The following ODAM variants were observed in gnomAD, a reference collection of about 807,000 sequenced individuals.
ODAM encodes the protein odontogenic ameloblast-associated protein.
In ODAM, 55 loss-of-function variants were observed where a neutral mutation model predicts 48.5. The observed-to-expected ratio is 1.13, with a 90% CI of 0.91 to 1.42. The LOEUF (loss-of-function observed/expected upper bound fraction) is 1.42. Among genes scored for constraint, ODAM ranks in the 40% most tolerant of loss-of-function variants. The probability of loss-of-function intolerance (pLI) is 0.00; values close to 1 mark genes in which losing one functional copy is unlikely to be tolerated. For synonymous variants in ODAM, 127 were observed against 107.8 expected (o/e 1.18, Z -1.10); for missense variants, 353 against 323.6 (o/e 1.09, Z -0.70).
intron 11 of ODAM, among the ~76,000 whole-genome samples, chr4:70,203,738 G>A (rs1401026277): frequency 6.6e-6 from 1 of 151,938 alleles, no homozygotes; most frequent in African/African-American, 2.4e-5. Context: ...TAGAAGGGCA[G>A]TCTGGGAACA....
rs2109820294 is a variant in ODAM, at chr4:70,202,242, C to T, written c.577-16C>T. ...GATCACTGATTTAGACTTTTTAAAA[C>T]TTTTTGTGTTTTTAGGCTATATCAG... On this transcript the variant is annotated splice_polypyrimidine_tract_variant and intron_variant, in intron 8 of 11. Coordinates refer to ENST00000683306, the MANE Select transcript of ODAM (RefSeq NM_017855.4). 6.2e-7 allele frequency: 1 copy of T among 1,605,776 alleles called. No homozygotes were observed. Among genetic ancestry groups the T allele is most frequent in the South Asian group, 1.1e-5 (1 of 90,864 alleles).
chr4:70,202,321 G>T lies in ODAM; in HGVS notation c.640G>T (p.Ala214Ser). Residue 214 changes from alanine (A) to serine (S), a missense_variant, in exon 9 of 12, where the codon GCT (alanine) becomes TCT (serine). Coordinates refer to ENST00000683306, the MANE Select transcript of ODAM (RefSeq NM_017855.4). The stretch of plus-strand genomic sequence containing the variant: ...CCAACTAGGCACAGCTCCTGAAATT[G>T]CTGTGATGGTAAGATTCCTTACAAC... ...DPQLGTAPEI[A>S]VMSTGEEIPY... is the part of the protein sequence containing the mutation. 6.2e-7 allele frequency: 1 copy of T among 1,611,198 alleles called. No homozygotes were observed. Among genetic ancestry groups the T allele is most frequent in the South Asian group, 1.1e-5 (1 of 91,010 alleles).
intron 3 of ODAM, 54 bp downstream of exon 3, chr4:70,196,787 G>C (rs1443502993): frequency 7.1e-7 from 1 of 1,417,168 alleles, no homozygotes. Flanking sequence ...AAATCAAGTG[G>C]GAAGAGATAG....
At chr4:70,200,181 G>A in intron 6 of ODAM, 1 of 399,408 alleles carries the variant, frequency 2.5e-6, no homozygotes, top group Non-Finnish European at 4.7e-6. Context: ...TTTCACTTAG[G>A]TATTTGCAAA....
chr4:70,196,704 C>T lies in ODAM; in HGVS notation c.64C>T (p.Arg22Cys), dbSNP rs748387440. ...ATLSAPLIPQ[R>C]LMSASNSNEL... ...TTTTTACTTTTAGCTTATCCCACAG[C>T]GTCTCATGTCTGCCAGCAATAGCAA... is the stretch of plus-strand genomic sequence containing the variant. Residue 22 changes from arginine (R) to cysteine (C), a missense_variant, in exon 3 of 12, where the codon CGT becomes TGT. Transcript: ENST00000683306. The T allele has an allele frequency of 9.3e-6, 15 of 1,606,872 alleles. No homozygotes were observed. Among genetic ancestry groups the T allele is most frequent in the Admixed American group, 3.4e-5 (2 of 59,502 alleles).
In ODAM at chr4:70,202,822, G is replaced by C. The variant is rs764892110; in HGVS notation, c.715G>C (p.Val239Leu). 2 of 1,611,936 alleles carry C rather than the reference G, an allele frequency of 1.2e-6. No individual in the cohort carries two copies. Among genetic ancestry groups the C allele is most frequent in the African/African-American group, 2.7e-5 (2 of 74,760 alleles). The change falls in exon 10 of 12, where the codon GTT (valine) becomes CTT (leucine). Residue 239 changes from valine (V) to leucine (L), a missense_variant. Coordinates refer to ENST00000683306, the MANE Select transcript of ODAM (RefSeq NM_017855.4). The part of the protein sequence containing the change: ...AINFRHDSAG[V>L]FMPSTSPKPS... ...CAACTTTAGACATGACAGTGCAGGAGTTTTCATGCCCTCAACTTCACCAAA... is the reference window on the plus strand; with the variant it reads ...CAACTTTAGACATGACAGTGCAGGACTTTTCATGCCCTCAACTTCACCAAA...
At chr4:70,202,956 T>C in intron 10 of ODAM, 39 bp downstream of exon 10, 1 of 1,567,484 alleles carries the variant, frequency 6.4e-7, no homozygotes, top group Non-Finnish European at 8.7e-7. Context: ...AAAAAAATTG[T>C]CTAATGAAAA....
chr4:70,203,637 A>G (rs1312349417), intron 11 of ODAM, among the ~76,000 whole-genome samples: 7 of 151,988 alleles, frequency 4.6e-5, no homozygotes, highest in Non-Finnish European at 8.8e-5. Flanking sequence ...AGAAAATTTC[A>G]AATTCCATGA....
chr4:70,200,243 C>A, intron 6 of ODAM: 2 of 384,708 alleles, frequency 5.2e-6, no homozygotes, highest in Non-Finnish European at 9.4e-6. Context: ...AAAAAAAGCT[C>A]TTCTGCTTAG....
Position 70,202,759 on chromosome 4 carries a change from A to T in ODAM, c.652A>T (p.Thr218Ser), listed in dbSNP as rs1304854498. The change falls in exon 10 of 12, where the codon ACA (threonine) becomes TCA (serine). Residue 218 changes from threonine to serine, a missense_variant. Transcript: ENST00000683306. ...TTTTCATTCTCATTCTCTGTAGTCA[A>T]CAGGAGAAGAGATACCATATTTACA... ...GTAPEIAVMS[T>S]GEEIPYLQKE... 2 of 1,604,950 alleles carry T rather than the reference A, an allele frequency of 1.2e-6. No homozygotes were observed. Among genetic ancestry groups the T allele is most frequent in the South Asian group, 2.2e-5 (2 of 89,682 alleles).
At chr4:70,197,194 T>C (rs1729387736) in intron 3 of ODAM, 80 bp from the exon 4 acceptor site, 2 of 737,508 alleles carry the variant, frequency 2.7e-6, no homozygotes, top group East Asian at 2.5e-5. Context: ...CTATGACTTG[T>C]GCTATATTTG....
chr4:70,199,082 C>G (rs761575789), intron 6 of ODAM, among the ~76,000 whole-genome samples: 1 of 151,938 alleles, frequency 6.6e-6, no homozygotes, highest in Non-Finnish European at 1.5e-5. Flanking sequence ...AAATTCTGCT[C>G]AAAACATTTT....
intron 6 of ODAM, among the ~76,000 whole-genome samples, chr4:70,199,819 C>T (rs1729457914): frequency 1.3e-5 from 2 of 151,908 alleles, no homozygotes. Context: ...CAATCTCTTA[C>T]TTTATGCAAA....
At chr4:70,200,019 A>G (rs1392648548) in intron 6 of ODAM, 2 of 390,192 alleles carry the variant, frequency 5.1e-6, no homozygotes, top group African/African-American at 2.2e-5. Context: ...TTTACCAAAT[A>G]TCCTAAAATA....
chr4:70,196,158 C>T (rs900027419), intron 1 of ODAM, among the ~76,000 whole-genome samples: 2 of 152,070 alleles, frequency 1.3e-5, no homozygotes, highest in Non-Finnish European at 2.9e-5. Context: ...TAATAAGTCC[C>T]TAGTTGGTTA....
intron 5 of ODAM, among the ~76,000 whole-genome samples, 177 bp from the exon 6 acceptor site, chr4:70,198,402 T>C (rs1013336928): frequency 2.0e-5 from 3 of 152,054 alleles, no homozygotes; most frequent in Non-Finnish European, 2.9e-5. Context: ...TAGGATAAGA[T>C]AGGAAAACTT....
chr4:70,195,757 C>G lies in ODAM; in HGVS notation c.-52C>G, dbSNP rs1014662079. On this transcript the variant is annotated 5_prime_UTR_variant, in exon 1 of 12. Coordinates refer to ENST00000683306, the MANE Select transcript of ODAM (RefSeq NM_017855.4). Reference sequence around the variant, plus strand: ...AGAGAGGAAAAGAACACAGATCTCGCATGGTTCAGATTTTTCTTTTTAGGT... The same window carrying G: ...AGAGAGGAAAAGAACACAGATCTCGGATGGTTCAGATTTTTCTTTTTAGGT... The G allele has an allele frequency of 1.0e-6, 1 of 984,288 alleles. No homozygotes were observed. The highest frequency in any genetic ancestry group is 1.7e-5 in the African/African-American group (1 of 57,160). The allele number at this position is 984,288 out of a possible 1,614,324, so 61.0% of individuals were successfully genotyped here. A position where few individuals can be genotyped will look rare whatever the true frequency, so the allele number is the denominator to read the frequency against.
intron 6 of ODAM, 33 bp downstream of exon 6, chr4:70,198,659 T>C (rs1405178395): frequency 5.2e-6 from 8 of 1,543,614 alleles, no homozygotes; most frequent in Non-Finnish European, 7.1e-6. Flanking sequence ...CCCATAGAGA[T>C]GGCTACATAC....
intron 1 of ODAM, among the ~76,000 whole-genome samples, chr4:70,196,070 G>T (rs192339874): frequency 2.0e-5 from 3 of 152,064 alleles, no homozygotes. Flanking sequence ...CTACTAAGTG[G>T]AAATTATCTG....
Sources: allele counts gnomAD v4.1 joint callset (sites outside exome capture counted in the v4.1 genomes callset), GRCh38; gene constraint gnomAD v4.1.1; transcripts MANE v1.5; gene names NCBI Gene and HGNC (gene_info 2026-07-23, HGNC 2026-07-21).